The following GABRA3 variants were observed in gnomAD, a reference collection of about 807,000 sequenced individuals.
GABRA3 encodes gamma-aminobutyric acid receptor subunit alpha-3.
GABRA3 carries 10 observed loss-of-function variants against 30.1 expected under a neutral mutation model. The observed-to-expected ratio is 0.33, with a 90% CI of 0.20 to 0.56. The LOEUF (loss-of-function observed/expected upper bound fraction) is 0.56, where lower values mean the gene tolerates loss of function less well. Among genes scored for constraint, GABRA3 ranks in the 20% least tolerant of loss-of-function variants. GABRA3 has a pLI of 0.89. For missense variants in GABRA3, 233 were observed against 392.0 expected, an observed-to-expected ratio of 0.59 and a Z score of 3.42; for synonymous variants, 151 against 146.8, an observed-to-expected ratio of 1.03 and a Z score of -0.21.
chrX:152,187,177 G>A (rs1302554717), intron 9 of GABRA3: 1 of 111,834 alleles, frequency 8.9e-6, no homozygotes, highest in African/African-American at 3.3e-5. Flanking sequence ...ACCAAAAACA[G>A]TAAGATGAGA....
Position 152,197,481 on chromosome X carries a change from G to A in GABRA3, c.931+152C>T, listed in dbSNP as rs772806240. On this transcript the variant is annotated intron_variant, in intron 8 of 9. Coordinates refer to ENST00000370314, the MANE Select transcript of GABRA3 (RefSeq NM_000808.4). Reference sequence around the variant, plus strand: ...TAACTTCCTCCTTGAGAATTCAGTCGTCTAAAACCCCATGGTCTGATGATT... The same window carrying A: ...TAACTTCCTCCTTGAGAATTCAGTCATCTAAAACCCCATGGTCTGATGATT... 687 of 405,938 alleles carry A rather than the reference G, an allele frequency of 1.7e-3. 1 individual carries two copies. The highest frequency in any genetic ancestry group is 2.4e-3 in the Non-Finnish European group (594 of 252,481). The allele number at this position is 405,938 out of a possible 1,213,427, so 33.5% of individuals were successfully genotyped here.
At chrX:152,388,903 T>C (rs1023697562) in intron 1 of GABRA3, among the ~76,000 whole-genome samples, 1 of 107,514 alleles carries the variant, frequency 9.3e-6, no homozygotes, top group Non-Finnish European at 1.9e-5. Flanking sequence ...CATGCAACAG[T>C]AGACATTTGG....
intron 3 of GABRA3, among the ~76,000 whole-genome samples, chrX:152,287,266 T>A (rs1003881531): frequency 1.8e-5 from 2 of 111,566 alleles, no homozygotes; most frequent in Non-Finnish European, 3.8e-5. Flanking sequence ...TAGGGAAAAG[T>A]CTATAAAATT....
chrX:152,197,608 C>G (rs1345266352), intron 8 of GABRA3, 25 bp downstream of exon 8: 3 of 1,180,054 alleles, frequency 2.5e-6, no homozygotes, highest in Non-Finnish European at 3.4e-6. Context: ...AGACTTTCCC[C>G]TACGCTCCAT....
At chrX:152,423,660 C>CA (rs1930434587) in intron 1 of GABRA3, among the ~76,000 whole-genome samples, 2 of 110,801 alleles carry the variant, frequency 1.8e-5, no homozygotes, top group Admixed American at 9.6e-5. Flanking sequence ...TTCTCTGTAA[C>CA]AAAAAAATCA....
At chrX:152,278,694 C>T (rs771334912) in intron 4 of GABRA3, among the ~76,000 whole-genome samples, 10 of 111,659 alleles carry the variant, frequency 9.0e-5, no homozygotes, top group African/African-American at 2.6e-4. Context: ...CACTGACTTC[C>T]GCAATAGTTG....
chrX:152,288,959 A>G (rs1242658761), intron 3 of GABRA3, among the ~76,000 whole-genome samples: 1 of 110,560 alleles, frequency 9.0e-6, no homozygotes, highest in African/African-American at 3.3e-5. Context: ...CAGTATTGGA[A>G]GCACTTGGAT....
At chrX:152,424,383 G>A (rs1039728169) in intron 1 of GABRA3, among the ~76,000 whole-genome samples, 3 of 110,607 alleles carry the variant, frequency 2.7e-5, no homozygotes, top group Non-Finnish European at 3.8e-5. Flanking sequence ...CTTGGCCACT[G>A]CTAAAGCCTC....
At chrX:152,402,515 G>A (rs1373445796) in intron 1 of GABRA3, among the ~76,000 whole-genome samples, 2 of 111,493 alleles carry the variant, frequency 1.8e-5, no homozygotes, top group East Asian at 5.6e-4. Context: ...CAAACTAGAT[G>A]ATGACTAAAC....
At chrX:152,289,494 A>T (rs1420540919) in intron 3 of GABRA3, among the ~76,000 whole-genome samples, 1 of 100,866 alleles carries the variant, frequency 9.9e-6, no homozygotes, top group African/African-American at 3.7e-5. Context: ...CCTTTGGCTC[A>T]CCTTGTATTT....
At chrX:152,362,142 T>C (rs1928526655) in intron 2 of GABRA3, among the ~76,000 whole-genome samples, 1 of 110,894 alleles carries the variant, frequency 9.0e-6, no homozygotes, top group Non-Finnish European at 1.9e-5. Context: ...AAAATGCTGA[T>C]ATAAGATGAA....
At chrX:152,422,379 A>G (rs1930395949) in intron 1 of GABRA3, among the ~76,000 whole-genome samples, 1 of 111,039 alleles carries the variant, frequency 9.0e-6, no homozygotes, top group Non-Finnish European at 1.9e-5. Context: ...AAATCAGGGT[A>G]TTAGTTATCT....
intron 1 of GABRA3, among the ~76,000 whole-genome samples, chrX:152,374,495 C>A (rs1266192531): frequency 9.2e-6 from 1 of 108,942 alleles, no homozygotes; most frequent in African/African-American, 3.3e-5. Flanking sequence ...GGACTACAGG[C>A]ACGCGCCACC....
At chrX:152,436,718 C>T (rs1047882041) in intron 1 of GABRA3, among the ~76,000 whole-genome samples, 12 of 111,358 alleles carry the variant, frequency 1.1e-4, no homozygotes, top group African/African-American at 3.9e-4. Flanking sequence ...CATTACCTTG[C>T]TCCAAAGGCA....
At chrX:152,315,342 G>C (rs372010579) in intron 3 of GABRA3, among the ~76,000 whole-genome samples, 1 of 111,271 alleles carries the variant, frequency 9.0e-6, no homozygotes, top group East Asian at 2.9e-4. Context: ...GCAGCGGGAA[G>C]TCCTGTGGGC....
At chrX:152,334,856 AC>A (rs769890597) in intron 3 of GABRA3, among the ~76,000 whole-genome samples, 2 of 111,319 alleles carry the variant, frequency 1.8e-5, no homozygotes, top group Admixed American at 9.6e-5. Context: ...AACCATTCCC[AC>A]CCACCTGCCA....
At chrX:152,359,095 T>G (rs1940594638) in intron 2 of GABRA3, among the ~76,000 whole-genome samples, 1 of 111,840 alleles carries the variant, frequency 8.9e-6, no homozygotes, top group Non-Finnish European at 1.9e-5. Context: ...GAGGAGTCCT[T>G]CCTCCTCAGT....
At chrX:152,383,730 C>G (rs759354662) in intron 1 of GABRA3, among the ~76,000 whole-genome samples, 1 of 108,786 alleles carries the variant, frequency 9.2e-6, no homozygotes, top group East Asian at 2.9e-4. Context: ...CCATACATGC[C>G]AAACCTGCAG....
chrX:152,351,324 T>C (rs972136991), intron 2 of GABRA3, among the ~76,000 whole-genome samples: 4 of 112,277 alleles, frequency 3.6e-5, no homozygotes, highest in African/African-American at 1.3e-4. Context: ...TGTAGCCACC[T>C]TTATCAATTA....
Sources: allele counts gnomAD v4.1 joint callset (sites outside exome capture counted in the v4.1 genomes callset), GRCh38; gene constraint gnomAD v4.1.1; transcripts MANE v1.5; gene names NCBI Gene and HGNC (gene_info 2026-07-23, HGNC 2026-07-21).